The following MOB1B variants were observed in gnomAD, a reference collection of about 807,000 sequenced individuals.
MOB1B encodes MOB1 Mps One Binder homolog B.
A neutral mutation model predicts 24.4 loss-of-function variants in MOB1B; 19 were observed. The observed-to-expected ratio is 0.78, with a 90% CI of 0.54 to 1.14. The LOEUF is 1.14. Among genes scored for constraint, MOB1B ranks in the 50% most tolerant of loss-of-function variants. The pLI, the probability that MOB1B is intolerant of heterozygous loss-of-function variation, is 0.00. For missense variants in MOB1B, 243 were observed against 259.6 expected, an observed-to-expected ratio of 0.94 and a Z score of 0.44; for synonymous variants, 76 against 82.1, an observed-to-expected ratio of 0.93 and a Z score of 0.40.
intron 4 of MOB1B, chr4:70,976,273 A>G: frequency 1.0e-6 from 1 of 984,284 alleles, no homozygotes; most frequent in Non-Finnish European, 1.2e-6. Flanking sequence ...TGCTAATAAC[A>G]TCTGCCACAG....
chr4:70,950,943 T>G (rs1737779092), intron 1 of MOB1B: 2 of 619,220 alleles, frequency 3.2e-6, no homozygotes, highest in South Asian at 3.5e-5. Flanking sequence ...AGTAACTTCT[T>G]CGAGACCCTG....
intron 1 of MOB1B, among the ~76,000 whole-genome samples, chr4:70,905,242 C>CT (rs879337441): frequency 0.013 from 1,922 of 143,800 alleles, 40 homozygotes; most frequent in African/African-American, 0.043. Context: ...AATACTGTTT[C>CT]TTTTTTTTTT....
chr4:70,937,072 C>G (rs1057365813), intron 1 of MOB1B, among the ~76,000 whole-genome samples: 1 of 151,902 alleles, frequency 6.6e-6, no homozygotes, highest in African/African-American at 2.4e-5. Context: ...CGCCCACCAC[C>G]ACGCCTCTCT....
chr4:70,976,379 C>T, intron 4 of MOB1B: 1 of 984,672 alleles, frequency 1.0e-6, no homozygotes, highest in South Asian at 4.7e-5. Flanking sequence ...TTATGACCCA[C>T]AATATGAATC....
chr4:70,902,201 AGCCGG>A, upstream of MOB1B: 1 of 478,458 alleles, frequency 2.1e-6, no homozygotes, highest in Non-Finnish European at 3.8e-6. Flanking sequence ...CCCATGCCGC[AGCCGG>A]AGGGCCGGGG....
chr4:70,961,330 C>G (rs1428472309), intron 2 of MOB1B, among the ~76,000 whole-genome samples: 1 of 152,154 alleles, frequency 6.6e-6, no homozygotes, highest in African/African-American at 2.4e-5. Flanking sequence ...AGGTATACAG[C>G]TAGACAGAGG....
chr4:70,952,205 A>G (rs1378821844), intron 1 of MOB1B, among the ~76,000 whole-genome samples: 2 of 152,024 alleles, frequency 1.3e-5, no homozygotes, highest in Non-Finnish European at 2.9e-5. Context: ...GACTGATCAA[A>G]CTATATTATA....
chr4:70,967,624 G>A (rs1738587133), intron 2 of MOB1B, among the ~76,000 whole-genome samples: 1 of 151,920 alleles, frequency 6.6e-6, no homozygotes. Context: ...ACTAATAGAT[G>A]AGTTTAATGA....
intron 3 of MOB1B, 40 bp downstream of exon 3, chr4:70,970,064 A>G: frequency 8.3e-7 from 1 of 1,200,182 alleles, no homozygotes; most frequent in South Asian, 1.4e-5. Flanking sequence ...TTTTTACATT[A>G]TTTTACGGTT....
At chr4:70,979,030 C>T (rs550101162) in intron 4 of MOB1B, 98 bp from the exon 5 acceptor site, 2 of 946,372 alleles carry the variant, frequency 2.1e-6, no homozygotes, top group Non-Finnish European at 3.3e-6. Flanking sequence ...TACTTCTTTT[C>T]AGCCTTGTCT....
At chr4:70,921,611 C>A (rs746664404) in intron 1 of MOB1B, among the ~76,000 whole-genome samples, 3 of 150,906 alleles carry the variant, frequency 2.0e-5, no homozygotes, top group Non-Finnish European at 2.9e-5. Context: ...GCAGTTCAAG[C>A]AATTCTCTTG....
At chr4:70,954,297 A>G (rs565084218) in intron 1 of MOB1B, among the ~76,000 whole-genome samples, 1 of 152,264 alleles carries the variant, frequency 6.6e-6, no homozygotes, top group East Asian at 1.9e-4. Flanking sequence ...CTGTCCTGTG[A>G]TACAGGTAGT....
rs116682526 is a variant in MOB1B, at chr4:70,947,932, A to G, written c.15-10942A>G. Among the ~76,000 whole-genome samples, 699 of 152,330 alleles carry G rather than the reference A, an allele frequency of 4.6e-3. 5 individuals are homozygous for G. Among genetic ancestry groups the G allele is most frequent in the African/African-American group, 0.016 (660 of 41,586 alleles). On this transcript the variant is annotated intron_variant, in intron 1 of 5. Transcript: ENST00000309395. ...CCACAGAGAAGAATTTTAAACTTTAATGAAGTCTAATTTATCAGTATTTTC... is the reference window on the plus strand; with the variant it reads ...CCACAGAGAAGAATTTTAAACTTTAGTGAAGTCTAATTTATCAGTATTTTC...
intron 2 of MOB1B, among the ~76,000 whole-genome samples, chr4:70,965,515 A>C (rs1238732298): frequency 1.3e-5 from 2 of 151,348 alleles, no homozygotes; most frequent in African/African-American, 4.8e-5. Flanking sequence ...GTTGTAAGAG[A>C]GGCCGGGCGC....
Position 70,985,497 on chromosome 4 carries a change from A to G in MOB1B, c.*3440A>G, listed in dbSNP as rs1204303173. On this transcript the variant is annotated 3_prime_UTR_variant, in exon 6 of 6. Transcript: ENST00000309395. ...CACTAAACACTTTTGGCAGCTTAAT[A>G]TGACCTTTTTAAATTTTTTTTATTT... 3 of 152,058 alleles carry G rather than the reference A, an allele frequency of 2.0e-5. No individual in the cohort carries two copies. Among genetic ancestry groups the G allele is most frequent in the Admixed American group, 2.0e-4 (3 of 15,246 alleles). 9.4% of individuals were successfully genotyped at this position (152,058 alleles called of 1,614,324 possible). A position where few individuals can be genotyped will look rare whatever the true frequency, so the allele number is the denominator to read the frequency against.
intron 1 of MOB1B, among the ~76,000 whole-genome samples, chr4:70,928,541 G>A (rs576859292): frequency 3.9e-5 from 6 of 152,026 alleles, no homozygotes; most frequent in South Asian, 2.1e-4. Flanking sequence ...GTGATCCACC[G>A]CCTCAGCCTC....
chr4:70,974,235 A>G (rs1738886686), intron 3 of MOB1B, among the ~76,000 whole-genome samples: 2 of 148,826 alleles, frequency 1.3e-5, no homozygotes, highest in African/African-American at 5.0e-5. Context: ...GCTCACTGCA[A>G]CCTCCTCCTC....
intron 2 of MOB1B, 37 bp from the exon 3 acceptor site, chr4:70,969,894 C>A: frequency 1.8e-6 from 2 of 1,132,706 alleles, no homozygotes; most frequent in South Asian, 2.8e-5. Flanking sequence ...TAAATTTAGC[C>A]ATTCTGTTTT....
intron 1 of MOB1B, among the ~76,000 whole-genome samples, chr4:70,944,257 A>G (rs1181282039): frequency 2.6e-5 from 4 of 151,932 alleles, no homozygotes; most frequent in African/African-American, 4.8e-5. Context: ...CTGGTCTCAA[A>G]CTCCTGACCT....
Sources: gnomAD v4.1 joint callset for allele counts (sites outside exome capture counted in the v4.1 genomes callset) on GRCh38, gnomAD v4.1.1 for gene constraint, MANE v1.5 for transcripts, NCBI Gene and HGNC (gene_info 2026-07-23, HGNC 2026-07-21) for gene names.